LAMP2: variants seen among roughly 807,000 people sequenced by gnomAD.
The protein encoded by LAMP2 is lysosome-associated membrane glycoprotein 2.
LAMP2 carries 4 observed loss-of-function variants against 25.6 expected under a neutral mutation model. The ratio of observed to expected loss-of-function variants is 0.16; its 90% CI spans 0.08 to 0.36. LAMP2 has a LOEUF of 0.36. Among genes scored for constraint, LAMP2 ranks in the 10% least tolerant of loss-of-function variants. The probability of loss-of-function intolerance (pLI) is 1.00; values close to 1 mark genes in which losing one functional copy is unlikely to be tolerated. For missense variants in LAMP2, 272 were observed against 301.4 expected, an observed-to-expected ratio of 0.90 and a Z score of 0.72; for synonymous variants, 108 against 112.7, an observed-to-expected ratio of 0.96 and a Z score of 0.27.
rs1490448572 is a variant in LAMP2 at position 120,431,023 on chromosome X, T to A, written c.*300A>T. Reference sequence around the variant, plus strand: ...TGGCCATGTTAATAAGTTCAAGGCATACTTCAAGGTTAGGATCAAAATTTG... The same window carrying A: ...TGGCCATGTTAATAAGTTCAAGGCAAACTTCAAGGTTAGGATCAAAATTTG... On this transcript the variant is annotated 3_prime_UTR_variant, in exon 9 of 9. Transcript: ENST00000200639. 1 of 903,734 alleles carries A rather than the reference T, an allele frequency of 1.1e-6. No homozygotes were observed. The highest frequency in any genetic ancestry group is 2.1e-5 in the African/African-American group (1 of 48,376). 74.5% of individuals were successfully genotyped at this position (903,734 alleles called of 1,213,427 possible).
At position 120,447,452 on chromosome X, in the gene LAMP2, T is replaced by G. The variant is rs968651054; in HGVS notation, c.741+389A>C. 9.1e-5 allele frequency among the ~76,000 whole-genome samples: 10 copies of G among 110,261 alleles called. No individual in the cohort carries two copies. The South Asian group carries it at 3.9e-3, about 43-fold the overall frequency. Reference sequence around the variant, plus strand: ...ACCTGGGTGTGGTGGCTCACGCCTGTAATCCCAGCACTTTGGGAGGCCGAG... The same window carrying G: ...ACCTGGGTGTGGTGGCTCACGCCTGGAATCCCAGCACTTTGGGAGGCCGAG... On this transcript the variant is annotated intron_variant, in intron 5 of 8. Coordinates refer to ENST00000200639, the MANE Select transcript of LAMP2 (RefSeq NM_002294.3).
rs1057515744 is a variant in LAMP2 at position 120,430,670 on chromosome X, T to C, written c.*653A>G. ...CCAGTTTAAGTTCTGTTGTAGCCTC[T>C]TGGGTCTGTATCATCCCTAGGGAAA... On this transcript the variant is annotated 3_prime_UTR_variant, in exon 9 of 9. Transcript: ENST00000200639. The C allele has an allele frequency of 1.3e-6, 1 of 753,612 alleles. No individual in the cohort carries two copies. Among genetic ancestry groups the C allele is most frequent in the Non-Finnish European group, 1.6e-6 (1 of 638,527 alleles). 62.1% of individuals were successfully genotyped at this position (753,612 alleles called of 1,213,427 possible).
chrX:120,452,178 C>T (rs1199021040), intron 3 of LAMP2, among the ~76,000 whole-genome samples: 1 of 111,414 alleles, frequency 9.0e-6, no homozygotes, highest in East Asian at 2.8e-4. Flanking sequence ...GCTTTAAAAA[C>T]CTAAAATGAT....
intron 1 of LAMP2, among the ~76,000 whole-genome samples, chrX:120,460,760 G>A (rs995429569): frequency 8.9e-6 from 1 of 111,749 alleles, no homozygotes; most frequent in African/African-American, 3.3e-5. Flanking sequence ...AGACCAGCCT[G>A]GCCACCATGG....
At position 120,455,383 on chromosome X, in the gene LAMP2, G is replaced by A. The variant is rs397516744; in HGVS notation, c.371C>T (p.Thr124Ile). 11 of 1,206,071 alleles carry A rather than the reference G, an allele frequency of 9.1e-6. No homozygotes were observed. The highest frequency in any genetic ancestry group is 1.2e-5 in the Non-Finnish European group (11 of 890,658). ...VSFSYNTGDN[T>I]TFPDAEDKGI... is the part of the protein sequence containing the mutation. ...TTTATCTTCAGCATCAGGAAATGTT[G>A]TGTTATCACCAGTGTTGTAGGAAAA... The change falls in exon 3 of 9, where the codon ACA becomes ATA. Residue 124 changes from threonine to isoleucine, a missense_variant. By Grantham distance (89) the Thr-to-Ile change is moderately conservative. Coordinates refer to ENST00000200639, the MANE Select transcript of LAMP2 (RefSeq NM_002294.3).
intron 8 of LAMP2, chrX:120,437,412 CA>C (rs10565432): frequency 0.21 from 118,012 of 556,267 alleles, 3,010 homozygotes; most frequent in East Asian, 0.42. Context: ...AATCCCACCA[CA>C]AAAAAAAAAA....
At chrX:120,467,924 G>A (rs894170409) in intron 1 of LAMP2, among the ~76,000 whole-genome samples, 1 of 111,051 alleles carries the variant, frequency 9.0e-6, no homozygotes, top group Non-Finnish European at 1.9e-5. Flanking sequence ...CACGACGCCC[G>A]GCTAATTTTT....
intron 1 of LAMP2, among the ~76,000 whole-genome samples, chrX:120,458,307 T>G (rs1013693971): frequency 8.9e-5 from 10 of 112,278 alleles, no homozygotes; most frequent in Admixed American, 8.5e-4. Context: ...GCCTCACATG[T>G]ATTAATCATT....
At chrX:120,452,862 G>A (rs1250131901) in intron 3 of LAMP2, among the ~76,000 whole-genome samples, 1 of 109,439 alleles carries the variant, frequency 9.1e-6, no homozygotes, top group Non-Finnish European at 1.9e-5. Flanking sequence ...CCTAAATCAG[G>A]CACTCTTAAC....
At chrX:120,439,217 G>A (rs147630563) in intron 8 of LAMP2, 4 of 1,208,688 alleles carry the variant, frequency 3.3e-6, no homozygotes, top group Middle Eastern at 2.3e-4. Context: ...TCACTATAAC[G>A]ATAATCAAGC....
At chrX:120,436,222 A>G (rs1301715398) in intron 8 of LAMP2, among the ~76,000 whole-genome samples, 2 of 108,252 alleles carry the variant, frequency 1.8e-5, no homozygotes, top group African/African-American at 6.8e-5. Context: ...CATTAGACCT[A>G]CTACGTTAAA....
At chrX:120,463,333 T>C (rs1334485469) in intron 1 of LAMP2, among the ~76,000 whole-genome samples, 1 of 112,168 alleles carries the variant, frequency 8.9e-6, no homozygotes, top group East Asian at 2.8e-4. Flanking sequence ...AATAAAAATA[T>C]GTTTTTAAGC....
In LAMP2 at chrX:120,428,727, CTTAGT is replaced by C. The variant is rs776369585; in HGVS notation, c.*2591_*2595del. 588 of 1,070,220 alleles carry C rather than the reference CTTAGT, an allele frequency of 5.5e-4. 4 individuals are homozygous for C. In the African/African-American group the frequency reaches 0.01, roughly 19 times the overall value. The allele number at this position is 1,070,220 out of a possible 1,213,427, so 88.2% of individuals were successfully genotyped here. A position where few individuals can be genotyped will look rare whatever the true frequency, so the allele number is the denominator to read the frequency against. On this transcript the variant is annotated 3_prime_UTR_variant, in exon 9 of 9. Transcript: ENST00000200639. ...ACATGCATTTTGAAAGTGTACATAG[CTTAGT>C]TTTTTATAGCATTACCTCTATTTTC...
rs1229701680 is a variant in LAMP2 at position 120,429,697 on chromosome X, C to A, written c.*1626G>T. ...CTGATCTCATAATTTCAAGTGTAAA[C>A]CAGCTGTTGTTTTACTGTTGAGTGA... On this transcript the variant is annotated 3_prime_UTR_variant, in exon 9 of 9. Coordinates refer to ENST00000200639, the MANE Select transcript of LAMP2 (RefSeq NM_002294.3). 1 of 750,554 alleles carries A rather than the reference C, an allele frequency of 1.3e-6. No individual in the cohort carries two copies. The highest frequency in any genetic ancestry group is 8.9e-5 in the Admixed American group (1 of 11,202). The allele number at this position is 750,554 out of a possible 1,213,427, so 61.9% of individuals were successfully genotyped here. A position where few individuals can be genotyped will look rare whatever the true frequency, so the allele number is the denominator to read the frequency against.
chrX:120,456,544 C>T (rs1602540717), intron 2 of LAMP2, 107 bp downstream of exon 2: 1 of 431,423 alleles, frequency 2.3e-6, no homozygotes, highest in East Asian at 4.0e-5. Context: ...AGAGTTTCAG[C>T]ATTAAGTCAG....
intron 8 of LAMP2, among the ~76,000 whole-genome samples, chrX:120,431,757 T>C (rs1345664738): frequency 1.8e-5 from 2 of 112,441 alleles, no homozygotes; most frequent in African/African-American, 6.5e-5. Context: ...TGAACAAATC[T>C]AATTAGCCTT....
rs746226006 is a variant in LAMP2 at position 120,439,226 on chromosome X, G to C, written c.1093+2504C>G. On this transcript the variant is annotated intron_variant, in intron 8 of 8. Coordinates refer to ENST00000200639, the MANE Select transcript of LAMP2 (RefSeq NM_002294.3). ...AAGCAATCACTATAACGATAATCAA[G>C]CCTGAAAGACCAGCACCAACTATAA... is the stretch of plus-strand genomic sequence containing the variant. 5.0e-6 allele frequency: 6 copies of C among 1,207,060 alleles called. No homozygotes were observed. The South Asian group carries it at 1.1e-4, about 21-fold the overall frequency.
intron 6 of LAMP2, among the ~76,000 whole-genome samples, chrX:120,445,054 G>A (rs1305384116): frequency 8.9e-6 from 1 of 112,222 alleles, no homozygotes; most frequent in Non-Finnish European, 1.9e-5. Flanking sequence ...GAGAAATCAT[G>A]TTCCTTTTAG....
In LAMP2 at chrX:120,438,274, G is replaced by A. The variant is rs149520898; in HGVS notation, c.1093+3456C>T. 3,116 of 749,303 alleles carry A rather than the reference G, an allele frequency of 4.2e-3. 16 individuals carry two copies. Among genetic ancestry groups the A allele is most frequent in the East Asian group, 0.034 (221 of 6,565 alleles). 61.8% of individuals were successfully genotyped at this position (749,303 alleles called of 1,213,427 possible). ...ACATCACTATCAACAAGAAATGTTG[G>A]AAGGCTAAAGAGAAATCTGCATTAA... On this transcript the variant is annotated intron_variant, in intron 8 of 8. Transcript: ENST00000200639.
Sources: allele counts gnomAD v4.1 joint callset (sites outside exome capture counted in the v4.1 genomes callset), GRCh38; gene constraint gnomAD v4.1.1; transcripts MANE v1.5; gene names NCBI Gene and HGNC (gene_info 2026-07-23, HGNC 2026-07-21).